Variants in STK24 observed in about 807,000 individuals in gnomAD.
The protein encoded by STK24 is serine/threonine-protein kinase 24.
STK24 carries 21 observed loss-of-function variants against 55.6 expected under a neutral mutation model. The ratio of observed to expected loss-of-function variants is 0.38; its 90% confidence interval spans 0.27 to 0.54. STK24 has a LOEUF of 0.54. STK24 is among the 20% of genes least tolerant of loss of function. STK24 has a pLI of 0.79. For synonymous variants in STK24, 200 were observed against 215.2 expected (o/e 0.93, Z 0.62); for missense variants, 383 against 538.4 (o/e 0.71, Z 2.86).
intron 2 of STK24, among the ~76,000 whole-genome samples, chr13:98,504,797 CA>C (rs1219408126): frequency 6.6e-6 from 1 of 152,174 alleles, no homozygotes; most frequent in East Asian, 1.9e-4. Flanking sequence ...TGGCTGGAAG[CA>C]GAGAAACAAC....
intron 6 of STK24, among the ~76,000 whole-genome samples, chr13:98,465,919 G>C (rs1276528368): frequency 6.6e-6 from 1 of 152,226 alleles, no homozygotes; most frequent in Non-Finnish European, 1.5e-5. Flanking sequence ...GAAGGGGAGG[G>C]GAAGAAGCAC....
chr13:98,509,859 TC>T (rs1895822997), intron 2 of STK24, among the ~76,000 whole-genome samples: 1 of 152,162 alleles, frequency 6.6e-6, no homozygotes, highest in Non-Finnish European at 1.5e-5. Flanking sequence ...GCTCTCTCTC[TC>T]TGCCTGACTC....
At position 98,461,916 on chromosome 13, in the gene STK24, G is replaced by A. The variant is rs1594574936; in HGVS notation, c.930-19C>T. ...TGTTTCCCTTAACACAGAAATGCAG[G>A]AAATCCCATCAGTGCTCGCACACCT... On this transcript the variant is annotated intron_variant, in intron 7 of 10. Transcript: ENST00000539966. 1 of 1,613,110 alleles carries A rather than the reference G, an allele frequency of 6.2e-7. No homozygotes were observed. The highest frequency in any genetic ancestry group is 2.2e-5 in the East Asian group (1 of 44,832).
intron 2 of STK24, among the ~76,000 whole-genome samples, chr13:98,514,046 T>A (rs999965290): frequency 7.2e-5 from 11 of 152,248 alleles, no homozygotes; most frequent in African/African-American, 2.7e-4. Context: ...GCTAGACTGG[T>A]ATTTCTTCTC....
chr13:98,471,457 G>A (rs1373980360), intron 5 of STK24, among the ~76,000 whole-genome samples: 3 of 152,320 alleles, frequency 2.0e-5, no homozygotes, highest in Non-Finnish European at 4.4e-5. Context: ...TCTTCGCAGT[G>A]AGCAGAGGTA....
At chr13:98,515,333 G>T (rs1309605981) in intron 2 of STK24, among the ~76,000 whole-genome samples, 4 of 152,004 alleles carry the variant, frequency 2.6e-5, no homozygotes, top group African/African-American at 9.7e-5. Flanking sequence ...TGACTTCGTG[G>T]ATGGTACCTC....
intron 1 of STK24, among the ~76,000 whole-genome samples, chr13:98,558,723 C>T (rs979353018): frequency 1.3e-5 from 2 of 152,086 alleles, no homozygotes; most frequent in Admixed American, 6.5e-5. Context: ...AATATGCAGG[C>T]GACTAACCAA....
Position 98,474,811 on chromosome 13 carries a change from C to T in STK24, c.597+10G>A. The T allele has an allele frequency of 6.2e-7, 1 of 1,604,910 alleles. No homozygotes were observed. Among genetic ancestry groups the T allele is most frequent in the Non-Finnish European group, 8.5e-7 (1 of 1,175,612 alleles). On this transcript the variant is annotated intron_variant, in intron 5 of 10. Transcript: ENST00000539966. ...CGTGAGGCACGGCGCCGCCCTCACC[C>T]TCCCCTCACCTTCGAGTCATAGGCC...
chr13:98,464,015 G>A (rs1481585691), intron 6 of STK24, among the ~76,000 whole-genome samples, 179 bp from the exon 7 acceptor site: 3 of 152,262 alleles, frequency 2.0e-5, no homozygotes, highest in Admixed American at 2.0e-4. Context: ...CCTACGCCTG[G>A]GCTCTGGGTG....
Position 98,461,837 on chromosome 13 carries a change from T to C in STK24, c.990A>G (p.Arg330=). ...TCTCGAGATTCTTGGGATCTTTTTC[T>C]CGGATTGTGAAGATCCAGTCCCCAG... The part of the protein sequence containing the change: ...SDSGDWIFTI[R]EKDPKNLENG... The change falls in exon 8 of 11, where the codon CGA becomes CGG. Residue 330 remains arginine (R), a synonymous_variant. Transcript: ENST00000539966. 1 of 1,614,148 alleles carries C rather than the reference T, an allele frequency of 6.2e-7. No individual in the cohort carries two copies. Among genetic ancestry groups the C allele is most frequent in the Non-Finnish European group, 8.5e-7 (1 of 1,179,970 alleles).
chr13:98,469,195 C>T (rs1241461362), intron 5 of STK24, among the ~76,000 whole-genome samples: 4 of 152,178 alleles, frequency 2.6e-5, no homozygotes, highest in Admixed American at 6.5e-5. Flanking sequence ...CCCATCTGAA[C>T]GCAACCCACG....
chr13:98,539,630 C>T (rs1896831359), intron 1 of STK24, among the ~76,000 whole-genome samples: 1 of 152,130 alleles, frequency 6.6e-6, no homozygotes. Context: ...CATTATTTCT[C>T]TCTTATGTTA....
chr13:98,576,550 G>C (rs1385746049), intron 1 of STK24, among the ~76,000 whole-genome samples, 195 bp downstream of exon 1: 1 of 152,034 alleles, frequency 6.6e-6, no homozygotes, highest in Non-Finnish European at 1.5e-5. Flanking sequence ...GCACACGCCG[G>C]AGACCTCGGC....
chr13:98,445,425 G>A lies in STK24; in HGVS notation c.*7748C>T, dbSNP rs1281371946. The A allele has an allele frequency of 1.3e-5, 2 of 152,224 alleles. No individual in the cohort carries two copies. Among genetic ancestry groups the A allele is most frequent in the African/African-American group, 2.4e-5 (1 of 41,438 alleles). The allele number at this position is 152,224 out of a possible 1,614,324, so 9.4% of individuals were successfully genotyped here. On this transcript the variant is annotated 3_prime_UTR_variant, in exon 11 of 11. Coordinates refer to ENST00000539966, the MANE Select transcript of STK24 (RefSeq NM_001032296.4). ...AGGTGCCTGTCCCTGCCCCCTAGCT[G>A]GGCTGCAGCGCATCCTAACAATGCT...
At chr13:98,557,963 T>C (rs1305049760) in intron 1 of STK24, among the ~76,000 whole-genome samples, 4 of 152,208 alleles carry the variant, frequency 2.6e-5, no homozygotes, top group African/African-American at 7.2e-5. Flanking sequence ...AGCTCAGCCA[T>C]TGTTTCCTTT....
At chr13:98,468,975 T>A (rs1343277862) in intron 5 of STK24, among the ~76,000 whole-genome samples, 3 of 152,156 alleles carry the variant, frequency 2.0e-5, no homozygotes, top group African/African-American at 7.2e-5. Flanking sequence ...CTAAACACAC[T>A]CGGTGACTGG....
At chr13:98,560,881 G>T (rs1165364583) in intron 1 of STK24, among the ~76,000 whole-genome samples, 1 of 149,142 alleles carries the variant, frequency 6.7e-6, no homozygotes, top group African/African-American at 2.5e-5. Flanking sequence ...GGGAGACAGG[G>T]CAAGACTCCG....
chr13:98,507,032 C>T (rs755957339), intron 2 of STK24, among the ~76,000 whole-genome samples: 79 of 152,182 alleles, frequency 5.2e-4, no homozygotes, highest in Non-Finnish European at 8.5e-4. Flanking sequence ...CGGTGCTGGC[C>T]GACACTAGGC....
chr13:98,561,675 C>A (rs1234632543), intron 1 of STK24, among the ~76,000 whole-genome samples: 1 of 151,904 alleles, frequency 6.6e-6, no homozygotes, highest in Non-Finnish European at 1.5e-5. Flanking sequence ...ACTCCTCTGT[C>A]CTAAAGATGG....
Sources: gnomAD v4.1 joint callset for allele counts (sites outside exome capture counted in the v4.1 genomes callset) on GRCh38, gnomAD v4.1.1 for gene constraint, MANE v1.5 for transcripts, NCBI Gene and HGNC (gene_info 2026-07-23, HGNC 2026-07-21) for gene names.